CTNNA2: variants seen among roughly 807,000 people sequenced by gnomAD.
CTNNA2 encodes catenin alpha-2.
A neutral mutation model predicts 101.0 loss-of-function variants in CTNNA2; 42 were observed. That is an observed-to-expected ratio of 0.42 (90% CI 0.32 to 0.54). The LOEUF (loss-of-function observed/expected upper bound fraction) is 0.54. Ranked by LOEUF, CTNNA2 falls within the 20% of genes least tolerant of loss-of-function variation. The pLI is 0.14. For synonymous variants in CTNNA2, 450 were observed against 456.4 expected, an observed-to-expected ratio of 0.99 and a Z score of 0.18; for missense variants, 871 against 1,223.1, an observed-to-expected ratio of 0.71 and a Z score of 4.29.
At chr2:80,611,265 C>CT (rs1241199522) in intron 17 of CTNNA2, among the ~76,000 whole-genome samples, 2 of 149,344 alleles carry the variant, frequency 1.3e-5, no homozygotes, top group Non-Finnish European at 3.0e-5. Context: ...AGTTTACAGG[C>CT]TTTTTTGAGA....
intron 7 of CTNNA2, among the ~76,000 whole-genome samples, chr2:79,937,516 T>G (rs550094629): frequency 6.6e-6 from 1 of 152,346 alleles, no homozygotes; most frequent in Non-Finnish European, 1.5e-5. Context: ...TTCTCTAAAT[T>G]TTCTCACTTT....
At chr2:79,937,605 G>T (rs2104445615) in intron 7 of CTNNA2, among the ~76,000 whole-genome samples, 1 of 152,166 alleles carries the variant, frequency 6.6e-6, no homozygotes, top group South Asian at 2.1e-4. Context: ...GTCATAATTA[G>T]AAGATAACCA....
At chr2:79,186,000 G>T (rs762837436) in intron 1 of CTNNA2, among the ~76,000 whole-genome samples, 1 of 152,154 alleles carries the variant, frequency 6.6e-6, no homozygotes, top group Non-Finnish European at 1.5e-5. Flanking sequence ...AAAAGTGCCT[G>T]CCAGTTATGC....
chr2:79,614,291 G>A (rs2104228456), intron 1 of CTNNA2, among the ~76,000 whole-genome samples: 1 of 152,130 alleles, frequency 6.6e-6, no homozygotes, highest in African/African-American at 2.4e-5. Context: ...AATCTCAGAG[G>A]TATTTTTGTG....
chr2:80,293,786 T>C (rs544532983), intron 7 of CTNNA2, among the ~76,000 whole-genome samples: 16 of 152,260 alleles, frequency 1.1e-4, no homozygotes, highest in African/African-American at 3.9e-4. Context: ...TGCAGTGGAC[T>C]GAGTGGAAAG....
chr2:80,267,640 A>G (rs530635154), intron 7 of CTNNA2, among the ~76,000 whole-genome samples: 1 of 152,340 alleles, frequency 6.6e-6, no homozygotes, highest in African/African-American at 2.4e-5. Context: ...CTAAATGAGA[A>G]CATAAAAAAA....
intron 9 of CTNNA2, among the ~76,000 whole-genome samples, chr2:80,461,587 C>T (rs956403669): frequency 6.6e-6 from 1 of 152,030 alleles, no homozygotes; most frequent in Non-Finnish European, 1.5e-5. Flanking sequence ...AATATACATG[C>T]AATTATTTTG....
chr2:80,361,183 A>G (rs1182369276), intron 7 of CTNNA2, among the ~76,000 whole-genome samples: 2 of 152,078 alleles, frequency 1.3e-5, no homozygotes, highest in African/African-American at 4.8e-5. Context: ...GAGGTAATGG[A>G]TCTTTATTAC....
intron 1 of CTNNA2, among the ~76,000 whole-genome samples, chr2:79,633,483 C>T (rs927494094): frequency 6.6e-6 from 1 of 152,160 alleles, no homozygotes; most frequent in Non-Finnish European, 1.5e-5. Context: ...TCCTCCTTAG[C>T]CTGGAGAGAC....
chr2:80,576,737 T>A (rs796167525), intron 13 of CTNNA2, among the ~76,000 whole-genome samples: 30 of 137,068 alleles, frequency 2.2e-4, no homozygotes, highest in African/African-American at 7.3e-4. Flanking sequence ...TCACCTGAGG[T>A]CGGGAGTTTA....
At chr2:80,279,893 A>G (rs1321467098) in intron 7 of CTNNA2, among the ~76,000 whole-genome samples, 2 of 152,130 alleles carry the variant, frequency 1.3e-5, no homozygotes, top group Middle Eastern at 3.4e-3. Context: ...TAAAATGACA[A>G]TATTGGTTAA....
chr2:80,100,132 C>T (rs1463288107), intron 7 of CTNNA2, among the ~76,000 whole-genome samples: 1 of 152,028 alleles, frequency 6.6e-6, no homozygotes, highest in African/African-American at 2.4e-5. Flanking sequence ...TGGGGTTTCA[C>T]CATGTTGGTC....
At chr2:79,937,418 A>G (rs185440367) in intron 7 of CTNNA2, among the ~76,000 whole-genome samples, 2 of 152,342 alleles carry the variant, frequency 1.3e-5, no homozygotes, top group African/African-American at 2.4e-5. Context: ...TTCACTTAGC[A>G]TTCTGCATGT....
In CTNNA2 at chr2:79,636,463, C is replaced by T. The variant is rs185829010; in HGVS notation, c.-5-15089C>T. On this transcript the variant is annotated intron_variant, in intron 1 of 18. Transcript: ENST00000402739. ...GGTCTAGAAGAAGAGGGTACAAAGA[C>T]GACTAAGAATAAGATGTTGAGAGGG... Among the ~76,000 whole-genome samples the T allele has an allele frequency of 2.0e-3, 298 of 151,650 alleles. 2 individuals are homozygous for T. The highest frequency in any genetic ancestry group is 6.9e-3 in the African/African-American group (285 of 41,388).
At chr2:80,577,350 G>A (rs1695142904) in intron 13 of CTNNA2, among the ~76,000 whole-genome samples, 1 of 152,114 alleles carries the variant, frequency 6.6e-6, no homozygotes, top group Non-Finnish European at 1.5e-5. Context: ...GGTGGCATTT[G>A]AGAAGATACT....
intron 7 of CTNNA2, among the ~76,000 whole-genome samples, chr2:80,261,211 G>GATGA (rs1270015168): frequency 2.6e-5 from 4 of 152,190 alleles, no homozygotes; most frequent in African/African-American, 9.7e-5. Context: ...AGAAAATTTA[G>GATGA]ATGTGTATTT....
intron 7 of CTNNA2, among the ~76,000 whole-genome samples, chr2:80,146,098 A>G (rs1366442752): frequency 1.3e-5 from 2 of 152,152 alleles, no homozygotes; most frequent in African/African-American, 4.8e-5. Context: ...TGAAAACCTC[A>G]AGCCATGCAG....
intron 2 of CTNNA2, among the ~76,000 whole-genome samples, chr2:79,705,141 C>G (rs1033237764): frequency 6.6e-5 from 10 of 152,056 alleles, no homozygotes; most frequent in Admixed American, 6.5e-4. Context: ...CTCCCTGCTC[C>G]CCACAAACAG....
At chr2:79,348,939 A>G (rs1677322939) in intron 3 of CTNNA2, among the ~76,000 whole-genome samples, 1 of 152,200 alleles carries the variant, frequency 6.6e-6, no homozygotes, top group Non-Finnish European at 1.5e-5. Context: ...CTGATATATC[A>G]GCCTTTTTGT....
Sources: allele counts gnomAD v4.1 joint callset (sites outside exome capture counted in the v4.1 genomes callset), GRCh38; gene constraint gnomAD v4.1.1; transcripts MANE v1.5; gene names NCBI Gene and HGNC (gene_info 2026-07-23, HGNC 2026-07-21).